Variants in OSBPL6 observed in about 807,000 individuals in gnomAD.
OSBPL6 encodes the protein oxysterol binding protein like 6, also known as oxysterol-binding protein-related protein 6.
OSBPL6 carries 49 observed loss-of-function variants against 125.8 expected under a neutral mutation model. The ratio of observed to expected loss-of-function variants is 0.39; its 90% confidence interval spans 0.31 to 0.49. The LOEUF (loss-of-function observed/expected upper bound fraction) is 0.49, where lower values mean the gene tolerates loss of function less well. OSBPL6 is among the 20% of genes least tolerant of loss of function. The pLI is 0.88. For missense variants in OSBPL6, 986 were observed against 1,135.4 expected (o/e 0.87, Z 1.89); for synonymous variants, 394 against 391.8 (o/e 1.01, Z -0.07).
intron 3 of OSBPL6, among the ~76,000 whole-genome samples, chr2:178,322,127 A>T (rs181432607): frequency 6.6e-6 from 1 of 152,268 alleles, no homozygotes; most frequent in African/African-American, 2.4e-5. Context: ...CTATGGCTTG[A>T]CTTGGAAGTT....
At chr2:178,206,806 G>A (rs1483772077) in intron 1 of OSBPL6, among the ~76,000 whole-genome samples, 1 of 152,026 alleles carries the variant, frequency 6.6e-6, no homozygotes, top group Non-Finnish European at 1.5e-5. Context: ...GTAGAGATGG[G>A]GTTTCACCAT....
At chr2:178,312,456 A>G (rs1306495313) in intron 3 of OSBPL6, among the ~76,000 whole-genome samples, 1 of 135,678 alleles carries the variant, frequency 7.4e-6, no homozygotes, top group Admixed American at 7.6e-5. Context: ...CCATGCCCAG[A>G]TAATTTTGGT....
At chr2:178,249,835 T>G (rs1416133508) in intron 1 of OSBPL6, among the ~76,000 whole-genome samples, 3 of 151,796 alleles carry the variant, frequency 2.0e-5, no homozygotes, top group Non-Finnish European at 2.9e-5. Flanking sequence ...GTGTTTTTTT[T>G]TTTTTTTTTT....
intron 1 of OSBPL6, among the ~76,000 whole-genome samples, chr2:178,282,673 CAG>C: frequency 6.6e-6 from 1 of 152,206 alleles, no homozygotes; most frequent in East Asian, 1.9e-4. Flanking sequence ...TGTTTTTAGA[CAG>C]AGTTTCGCTC....
intron 1 of OSBPL6, among the ~76,000 whole-genome samples, chr2:178,238,351 C>T (rs2091147601): frequency 6.6e-6 from 1 of 152,162 alleles, no homozygotes; most frequent in Non-Finnish European, 1.5e-5. Flanking sequence ...CACTCAGTAG[C>T]CATCTCAGTG....
intron 2 of OSBPL6, among the ~76,000 whole-genome samples, chr2:178,290,000 C>T (rs1305268274): frequency 6.6e-6 from 1 of 152,148 alleles, no homozygotes; most frequent in African/African-American, 2.4e-5. Flanking sequence ...TGTCATTGGA[C>T]CGTGTTTCGG....
intron 1 of OSBPL6, among the ~76,000 whole-genome samples, chr2:178,241,357 C>T (rs1207183466): frequency 6.6e-6 from 1 of 151,350 alleles, no homozygotes; most frequent in African/African-American, 2.4e-5. Context: ...CGTGGTCCTC[C>T]CGCCTCGGCC....
chr2:178,276,977 A>G (rs1479985468), intron 1 of OSBPL6, among the ~76,000 whole-genome samples: 3 of 152,152 alleles, frequency 2.0e-5, no homozygotes, highest in African/African-American at 7.2e-5. Flanking sequence ...GAACACAGCC[A>G]TGTTTATTTG....
chr2:178,339,178 A>G, intron 10 of OSBPL6, 84 bp downstream of exon 10: 2 of 756,430 alleles, frequency 2.6e-6, no homozygotes, highest in Non-Finnish European at 2.1e-6. Context: ...TATATAAGGT[A>G]ACATTTAAAG....
At chr2:178,356,243 T>G (rs1691780537) in intron 12 of OSBPL6, among the ~76,000 whole-genome samples, 1 of 152,092 alleles carries the variant, frequency 6.6e-6, no homozygotes, top group Admixed American at 6.5e-5. Context: ...GCCAGGGCAA[T>G]CAGGCAAGAG....
chr2:178,228,365 C>T (rs2090661441), intron 1 of OSBPL6, among the ~76,000 whole-genome samples: 1 of 152,084 alleles, frequency 6.6e-6, no homozygotes, highest in Non-Finnish European at 1.5e-5. Context: ...GAAACACCAT[C>T]TCTACTAAAA....
chr2:178,247,278 T>A (rs1307894448), intron 1 of OSBPL6, among the ~76,000 whole-genome samples: 1 of 152,220 alleles, frequency 6.6e-6, no homozygotes, highest in Non-Finnish European at 1.5e-5. Context: ...TGTCCATTTC[T>A]GTTCTTAATT....
At chr2:178,339,189 A>G in intron 10 of OSBPL6, 95 bp downstream of exon 10, 2 of 664,880 alleles carry the variant, frequency 3.0e-6, no homozygotes, top group Admixed American at 6.9e-5. Context: ...ACATTTAAAG[A>G]TAAATAACTG....
At chr2:178,241,279 A>C (rs913444126) in intron 1 of OSBPL6, among the ~76,000 whole-genome samples, 1 of 151,720 alleles carries the variant, frequency 6.6e-6, no homozygotes, top group Non-Finnish European at 1.5e-5. Context: ...ACGCCCAGCT[A>C]ATTTTTGTAT....
intron 1 of OSBPL6, among the ~76,000 whole-genome samples, chr2:178,237,011 C>G (rs892445517): frequency 1.1e-4 from 16 of 152,184 alleles, no homozygotes; most frequent in Non-Finnish European, 2.1e-4. Context: ...CTTATACTCT[C>G]TCAGCCATAT....
chr2:178,334,505 G>T lies in OSBPL6; in HGVS notation c.657+1464G>T, dbSNP rs55989867. On this transcript the variant is annotated intron_variant, in intron 8 of 24. Transcript: ENST00000190611. Reference sequence around the variant, plus strand: ...ATGTTAAAATTATCTCAAACCTTACGTTATTTATTTATTTACTTATTTATT... The same window carrying T: ...ATGTTAAAATTATCTCAAACCTTACTTTATTTATTTATTTACTTATTTATT... Among the ~76,000 whole-genome samples the T allele has an allele frequency of 2.1e-3, 315 of 152,048 alleles. 1 individual carries two copies. Among genetic ancestry groups the T allele is most frequent in the African/African-American group, 7.0e-3 (289 of 41,476 alleles).
intron 11 of OSBPL6, chr2:178,344,422 A>C: frequency 6.5e-7 from 1 of 1,527,328 alleles, no homozygotes; most frequent in Non-Finnish European, 9.1e-7. Context: ...TACAAGGATG[A>C]CTCCCCTGTC....
intron 2 of OSBPL6, among the ~76,000 whole-genome samples, chr2:178,297,803 G>A (rs1017329436): frequency 1.3e-5 from 2 of 152,212 alleles, no homozygotes; most frequent in African/African-American, 2.4e-5. Context: ...ATTAATGTCT[G>A]CATATTGTAG....
In OSBPL6 at chr2:178,264,543, G is replaced by A. The variant is rs190025026; in HGVS notation, c.-350-20384G>A. ...ATTGCATAGCTTTGAACTATTTGGAGAATGAGGACCTTTTTCAACATACAA... is the reference window on the plus strand; with the variant it reads ...ATTGCATAGCTTTGAACTATTTGGAAAATGAGGACCTTTTTCAACATACAA... On this transcript the variant is annotated intron_variant, in intron 1 of 24. Transcript: ENST00000190611. 2.9e-3 allele frequency among the ~76,000 whole-genome samples: 441 copies of A among 152,294 alleles called. 2 individuals carry two copies. Among genetic ancestry groups the A allele is most frequent in the Non-Finnish European group, 5.1e-3 (347 of 68,028 alleles).
Sources: allele counts gnomAD v4.1 joint callset (sites outside exome capture counted in the v4.1 genomes callset), GRCh38; gene constraint gnomAD v4.1.1; transcripts MANE v1.5; gene names NCBI Gene and HGNC (gene_info 2026-07-23, HGNC 2026-07-21).